Variants in PLA2R1 observed in about 807,000 individuals in gnomAD.
The protein encoded by PLA2R1 is phospholipase A2 receptor 1.
PLA2R1 carries 158 observed loss-of-function variants against 195.9 expected under a neutral mutation model. The ratio of observed to expected loss-of-function variants is 0.81; its 90% CI spans 0.71 to 0.92. The LOEUF (loss-of-function observed/expected upper bound fraction) is 0.92, where lower values mean the gene tolerates loss of function less well. Ranked by LOEUF, PLA2R1 falls within the 40% of genes least tolerant of loss-of-function variation. PLA2R1 has a pLI of 0.00. For missense variants in PLA2R1, 1,626 were observed against 1,764.6 expected (o/e 0.92, Z 1.41); for synonymous variants, 586 against 598.2 (o/e 0.98, Z 0.30).
At chr2:159,978,701 C>A (rs572990610) in intron 14 of PLA2R1, among the ~76,000 whole-genome samples, 2 of 152,116 alleles carry the variant, frequency 1.3e-5, no homozygotes, top group Admixed American at 1.3e-4. Flanking sequence ...CCCTGCTATG[C>A]CTTTTCTGTT....
intron 2 of PLA2R1, among the ~76,000 whole-genome samples, chr2:160,043,332 A>G (rs529309484): frequency 6.6e-6 from 1 of 152,286 alleles, no homozygotes; most frequent in East Asian, 1.9e-4. Flanking sequence ...TCAGTGGTCT[A>G]GAGCAAGTCG....
At chr2:159,959,896 C>A (rs958237630) in intron 20 of PLA2R1, among the ~76,000 whole-genome samples, 1 of 152,318 alleles carries the variant, frequency 6.6e-6, no homozygotes. Flanking sequence ...ACCTACCAGT[C>A]TCTTGCCTGC....
Position 159,967,645 on chromosome 2 carries a change from A to G in PLA2R1, c.2798T>C (p.Met933Thr), listed in dbSNP as rs1688875353. Residue 933 changes from methionine (M) to threonine (T), a missense_variant, in exon 20 of 30, where the codon ATG (methionine) becomes ACG (threonine). Coordinates refer to ENST00000283243, the MANE Select transcript of PLA2R1 (RefSeq NM_007366.5). ...LWGSEECSVS[M>T]PSICKRKKVW... ...CTTTTTTCGCTTACAGATACTAGGC[A>G]TAGAAACTGAACACTCTTCACTACC... is the stretch of plus-strand genomic sequence containing the variant. The G allele has an allele frequency of 6.2e-7, 1 of 1,613,822 alleles. No homozygotes were observed.
chr2:160,015,154 C>T (rs192717373), intron 9 of PLA2R1, among the ~76,000 whole-genome samples: 20 of 152,298 alleles, frequency 1.3e-4, no homozygotes, highest in Admixed American at 3.3e-4. Flanking sequence ...ACCCTTTGTA[C>T]ACTAGGTGCC....
At chr2:159,968,525 C>T (rs930294198) in intron 19 of PLA2R1, among the ~76,000 whole-genome samples, 3 of 152,188 alleles carry the variant, frequency 2.0e-5, no homozygotes, top group African/African-American at 7.2e-5. Flanking sequence ...ATTAACCACA[C>T]GGATTTTCCT....
At chr2:160,054,327 G>T (rs2105688130) in intron 1 of PLA2R1, among the ~76,000 whole-genome samples, 1 of 152,232 alleles carries the variant, frequency 6.6e-6, no homozygotes, top group South Asian at 2.1e-4. Flanking sequence ...GGCCTCACAA[G>T]GCCTTGATAG....
chr2:159,983,828 T>C lies in PLA2R1; in HGVS notation c.2183+100A>G, dbSNP rs934132537. ...CTTGGCTTTGGGCATAATACAAATA[T>C]GGGAATTTTAAACAACTACTTGGGA... On this transcript the variant is annotated intron_variant, in intron 13 of 29. Coordinates refer to ENST00000283243, the MANE Select transcript of PLA2R1 (RefSeq NM_007366.5). 6.8e-6 allele frequency: 4 copies of C among 586,878 alleles called. No homozygotes were observed. In the South Asian group the frequency reaches 1.2e-4, roughly 17 times the overall value. The allele number at this position is 586,878 out of a possible 1,614,324, so 36.4% of individuals were successfully genotyped here.
chr2:159,941,757 T>A lies in PLA2R1; in HGVS notation c.*21A>T. On this transcript the variant is annotated 3_prime_UTR_variant, in exon 30 of 30. Transcript: ENST00000283243. The stretch of plus-strand genomic sequence containing the variant: ...TCTTCTTTACTTACCCTGGTGTCTG[T>A]GGCATTCTCTGACCTCATTATTATT... The A allele has an allele frequency of 7.5e-7, 1 of 1,327,422 alleles. No individual in the cohort carries two copies. The highest frequency in any genetic ancestry group is 1.1e-6 in the Non-Finnish European group (1 of 921,604). 82.2% of individuals were successfully genotyped at this position (1,327,422 alleles called of 1,614,324 possible). A position where few individuals can be genotyped will look rare whatever the true frequency, so the allele number is the denominator to read the frequency against.
chr2:160,027,182 C>T (rs893205136), intron 6 of PLA2R1, among the ~76,000 whole-genome samples: 7 of 152,132 alleles, frequency 4.6e-5, no homozygotes, highest in African/African-American at 1.7e-4. Flanking sequence ...TCCAAACAAG[C>T]TAACTTAACT....
At position 159,949,631 on chromosome 2, in the gene PLA2R1, C is replaced by A. The variant is rs992886504; in HGVS notation, c.3686G>T (p.Gly1229Val). The A allele has an allele frequency of 1.4e-5, 23 of 1,613,948 alleles. No homozygotes were observed. Among genetic ancestry groups the A allele is most frequent in the Non-Finnish European group, 1.9e-5 (22 of 1,179,860 alleles). ...HSTACESFLQ[G>V]AICHVPPETR... ...ACCAGGTGGCACATGACAAATGGCA[C>A]CTTGCAGAAATGACTCGCAGGCTGT... The change falls in exon 25 of 30, where the codon GGT becomes GTT. Residue 1229 changes from glycine (G) to valine (V), a missense_variant. Coordinates refer to ENST00000283243, the MANE Select transcript of PLA2R1 (RefSeq NM_007366.5).
intron 1 of PLA2R1, among the ~76,000 whole-genome samples, chr2:160,056,487 G>T (rs191869305): frequency 1.3e-5 from 2 of 152,092 alleles, no homozygotes; most frequent in Admixed American, 6.5e-5. Flanking sequence ...CCAAGAATAG[G>T]TCCATCTCCA....
chr2:159,983,813 G>A (rs1025454345), intron 13 of PLA2R1, 115 bp downstream of exon 13: 2 of 560,586 alleles, frequency 3.6e-6, no homozygotes, highest in African/African-American at 1.9e-5. Flanking sequence ...CTTGGCTTTG[G>A]GCATAATACA....
rs137991436 is a variant in PLA2R1, at chr2:159,967,059, C to A, written c.2904+480G>T. On this transcript the variant is annotated intron_variant, in intron 20 of 29. Transcript: ENST00000283243. The stretch of plus-strand genomic sequence containing the variant: ...TTCACTAGTGGGCAGAGCTCTATGC[C>A]GGCTCCAGGCAGGGAAAACACAAGA... Among the ~76,000 whole-genome samples the A allele has an allele frequency of 1.4e-4, 21 of 152,096 alleles. 1 individual carries two copies. In the East Asian group the frequency reaches 4.1e-3, roughly 29 times the overall value.
chr2:160,033,001 G>A lies in PLA2R1; in HGVS notation c.799C>T (p.Leu267=). 6.2e-7 allele frequency: 1 copy of A among 1,613,390 alleles called. No homozygotes were observed. Among genetic ancestry groups the A allele is most frequent in the South Asian group, 1.1e-5 (1 of 90,940 alleles). ...TCAGTTTCATCTGTAATACTTAACA[G>A]CGTACCTCCTTGCATCTGGCATGAA... ...HSSCQMQGGT[L]LSITDETEEN... The change falls in exon 4 of 30, where the codon CTG becomes TTG. Residue 267 remains leucine (L), a synonymous_variant. Coordinates refer to ENST00000283243, the MANE Select transcript of PLA2R1 (RefSeq NM_007366.5).
chr2:160,040,365 C>T (rs1223236493), intron 3 of PLA2R1, among the ~76,000 whole-genome samples: 1 of 152,158 alleles, frequency 6.6e-6, no homozygotes, highest in Non-Finnish European at 1.5e-5. Context: ...CCAACCCCCA[C>T]ACTAAGGTCT....
At chr2:159,967,756 T>C in intron 19 of PLA2R1, 78 bp from the exon 20 acceptor site, 2 of 1,197,368 alleles carry the variant, frequency 1.7e-6, no homozygotes, top group Non-Finnish European at 2.4e-6. Flanking sequence ...ATCACTATTT[T>C]TATGAGGCTA....
the PLA2R1 span, among the ~76,000 whole-genome samples, chr2:159,925,361 T>C: frequency 6.6e-6 from 1 of 152,148 alleles, no homozygotes; most frequent in Admixed American, 6.5e-5. Context: ...GAAATTAGCA[T>C]TTACAGCAAC....
intron 12 of PLA2R1, among the ~76,000 whole-genome samples, chr2:159,986,656 G>A (rs957156004): frequency 6.0e-5 from 9 of 150,934 alleles, no homozygotes; most frequent in Non-Finnish European, 1.0e-4. Flanking sequence ...GCGCAGTCTC[G>A]GCTCACTGCA....
In PLA2R1 at chr2:159,951,422, G is replaced by A. The variant is rs142578163; in HGVS notation, c.3458C>T (p.Thr1153Ile). ...LMHKAQLVSI[T>I]DQYHQSFLTV... Reference sequence around the variant, plus strand: ...GAGGAAGGACTGGTGATACTGGTCTGTGATGCTGACCAGTTGTGCTTTGTG... The same window carrying A: ...GAGGAAGGACTGGTGATACTGGTCTATGATGCTGACCAGTTGTGCTTTGTG... The change falls in exon 24 of 30, where the codon ACA becomes ATA. Residue 1153 changes from threonine (T) to isoleucine (I), a missense_variant. By Grantham distance (89) the Thr-to-Ile change is moderately conservative. Coordinates refer to ENST00000283243, the MANE Select transcript of PLA2R1 (RefSeq NM_007366.5). 4 of 1,613,912 alleles carry A rather than the reference G, an allele frequency of 2.5e-6. No homozygotes were observed. In the African/African-American group the frequency reaches 4.0e-5, roughly 16 times the overall value.
Sources: gnomAD v4.1 joint callset for allele counts (sites outside exome capture counted in the v4.1 genomes callset) on GRCh38, gnomAD v4.1.1 for gene constraint, MANE v1.5 for transcripts, NCBI Gene and HGNC (gene_info 2026-07-23, HGNC 2026-07-21) for gene names.